Variants in HOXA10 observed in about 807,000 individuals in gnomAD.
The protein encoded by HOXA10 is homeobox A10.
In HOXA10, 12 loss-of-function variants were observed where a neutral mutation model predicts 29.7. The observed-to-expected ratio is 0.40, with a 90% CI of 0.26 to 0.65. The LOEUF is 0.65. Ranked by LOEUF, HOXA10 falls within the 30% of genes least tolerant of loss-of-function variation. The pLI is 0.37. For missense variants in HOXA10, 656 were observed against 585.9 expected (o/e 1.12, Z -1.24); for synonymous variants, 327 against 280.7 (o/e 1.16, Z -1.65).
chr7:27,174,196 C>T lies in HOXA10; in HGVS notation c.111G>A (p.Ser37=), dbSNP rs1196665541. ...CACCGCCGCCTGCCTCGCCTCTGCC[C>T]GAGCTGATGAGCGAGTCGACCAAAA... ...NSFLVDSLIS[S]GRGEAGGGGG... is the part of the protein sequence containing the mutation. The change falls in exon 1 of 2, where the codon TCG becomes TCA. Residue 37 remains serine, a synonymous_variant. Transcript: ENST00000283921. 6.2e-7 allele frequency: 1 copy of T among 1,600,572 alleles called. No homozygotes were observed. Among genetic ancestry groups the T allele is most frequent in the East Asian group, 2.2e-5 (1 of 44,846 alleles).
Position 27,172,343 on chromosome 7 carries a change from T to C in HOXA10, c.959-170A>G, listed in dbSNP as rs1783519793. On this transcript the variant is annotated intron_variant, in intron 1 of 1. Transcript: ENST00000283921. ...GAGCAAGCAGTTCCTCCAAAAGTCA[T>C]GACAAAAATTGAGTGGGCCTTCAAT... is the stretch of plus-strand genomic sequence containing the variant. The C allele has an allele frequency of 6.2e-6, 4 of 649,592 alleles. No individual in the cohort carries two copies. The East Asian group carries it at 1.1e-4, about 18-fold the overall frequency. 40.2% of individuals were successfully genotyped at this position (649,592 alleles called of 1,614,324 possible). A position where few individuals can be genotyped will look rare whatever the true frequency, so the allele number is the denominator to read the frequency against.
Position 27,171,930 on chromosome 7 carries a change from C to T in HOXA10, c.1202G>A (p.Arg401Gln), listed in dbSNP as rs749820992. 1.2e-6 allele frequency: 2 copies of T among 1,614,130 alleles called. No homozygotes were observed. Among genetic ancestry groups the T allele is most frequent in the East Asian group, 2.2e-5 (1 of 44,872 alleles). Residue 401 changes from arginine to glutamine, a missense_variant, in exon 2 of 2, where the codon CGG (arginine) becomes CAG (glutamine). Arg to Gln is a conservative substitution (Grantham distance 43). Transcript: ENST00000283921. The part of the protein sequence containing the change: ...LKKMNRENRI[R>Q]ELTANFNFS ...AAAATTAAAGTTGGCTGTGAGCTCCCGGATCCGGTTTTCTCGATTCATTTT... is the reference window on the plus strand; with the variant it reads ...AAAATTAAAGTTGGCTGTGAGCTCCTGGATCCGGTTTTCTCGATTCATTTT...
intron 1 of HOXA10, chr7:27,172,534 G>GGAAACCTGTAGGA (rs1318364306): frequency 3.6e-5 from 12 of 330,850 alleles, no homozygotes; most frequent in South Asian, 3.3e-4. Flanking sequence ...ATTTCCTGTA[G>GGAAACCTGTAGGA]CCCCCAGGCT....
Position 27,173,609 on chromosome 7 carries a change from GCGCCGC to G in HOXA10, c.692_697del (p.Gly231_Gly232del). On this transcript the variant is annotated inframe_deletion, in exon 1 of 2. Coordinates refer to ENST00000283921, the MANE Select transcript of HOXA10 (RefSeq NM_018951.4). ...GAACGGGCCAGCCCCGAGTTGCTGC[GCGCCGC>G]CGCCGCCGCTGCCATAGCCCTTGGC... 2.0e-6 allele frequency: 3 copies of G among 1,531,586 alleles called. No individual in the cohort carries two copies. The highest frequency in any genetic ancestry group is 1.2e-5 in the South Asian group (1 of 82,300). The allele number at this position is 1,531,586 out of a possible 1,614,324, so 94.9% of individuals were successfully genotyped here. A position where few individuals can be genotyped will look rare whatever the true frequency, so the allele number is the denominator to read the frequency against.
upstream of HOXA10, among the ~76,000 whole-genome samples, chr7:27,178,750 C>T (rs186971043): frequency 6.6e-5 from 10 of 152,082 alleles, no homozygotes; most frequent in Non-Finnish European, 1.3e-4. Flanking sequence ...CCACTCACCA[C>T]GCACTGTATA....
Position 27,173,729 on chromosome 7 carries a change from C to T in HOXA10, c.578G>A (p.Arg193Gln). The change falls in exon 1 of 2, where the codon CGG becomes CAG. Residue 193 changes from arginine (R) to glutamine (Q), a missense_variant. Coordinates refer to ENST00000283921, the MANE Select transcript of HOXA10 (RefSeq NM_018951.4). ...ATAAELAPFP[R>Q]GPPPDGCALG... Reference sequence around the variant, plus strand: ...GGCGCAGCCGTCGGGCGGCGGGCCCCGCGGGAAGGGAGCCAGTTCGGCGGC... The same window carrying T: ...GGCGCAGCCGTCGGGCGGCGGGCCCTGCGGGAAGGGAGCCAGTTCGGCGGC... The T allele has an allele frequency of 1.3e-6, 2 of 1,590,190 alleles. No individual in the cohort carries two copies. The highest frequency in any genetic ancestry group is 2.3e-5 in the East Asian group (1 of 43,290).
chr7:27,174,566 G>A, upstream of HOXA10: 4 of 580,172 alleles, frequency 6.9e-6, no homozygotes, highest in Non-Finnish European at 8.8e-6. Context: ...CTGGTGGGGG[G>A]CCTGGCCATT....
At position 27,174,187 on chromosome 7, in the gene HOXA10, G is replaced by A. The variant is rs747233773; in HGVS notation, c.120C>T (p.Gly40=). ...LVDSLISSGR[G]EAGGGGGGAG... ...CGCCACCACCACCGCCGCCTGCCTCGCCTCTGCCCGAGCTGATGAGCGAGT... is the reference window on the plus strand; with the variant it reads ...CGCCACCACCACCGCCGCCTGCCTCACCTCTGCCCGAGCTGATGAGCGAGT... Residue 40 remains glycine (G), a synonymous_variant, in exon 1 of 2, where the codon GGC becomes GGT. Coordinates refer to ENST00000283921, the MANE Select transcript of HOXA10 (RefSeq NM_018951.4). The A allele has an allele frequency of 2.5e-6, 4 of 1,599,750 alleles. No homozygotes were observed. Among genetic ancestry groups the A allele is most frequent in the Non-Finnish European group, 3.4e-6 (4 of 1,179,600 alleles).
At position 27,173,481 on chromosome 7, in the gene HOXA10, G is replaced by C. The variant is rs1394179859; in HGVS notation, c.826C>G (p.Pro276Ala). Residue 276 changes from proline (P) to alanine (A), a missense_variant, in exon 1 of 2, where the codon CCC (proline) becomes GCC (alanine). Physicochemically the swap from Pro to Ala is conservative, Grantham distance 27 (BLOSUM62 -1). This residue lies in a region of HOXA10 where 594 missense variants were observed against 491.9 expected (regional missense o/e 1.21). Coordinates refer to ENST00000283921, the MANE Select transcript of HOXA10 (RefSeq NM_018951.4). The stretch of plus-strand genomic sequence containing the variant: ...CCGCCGCTGCCGCAAGCCAGCGTGG[G>C]GGGCGGCGGCGAATCGAGGGCTCGC... ...KERALDSPPP[P>A]TLACGSGGGS... The C allele has an allele frequency of 1.3e-6, 2 of 1,557,450 alleles. No individual in the cohort carries two copies. Among genetic ancestry groups the C allele is most frequent in the Non-Finnish European group, 8.6e-7 (1 of 1,156,348 alleles).
chr7:27,173,555 T>C lies in HOXA10; in HGVS notation c.752A>G (p.Asp251Gly). Residue 251 changes from aspartate (D) to glycine (G), a missense_variant, in exon 1 of 2, where the codon GAT (aspartate) becomes GGT (glycine). By Grantham distance (94) the Asp-to-Gly change is moderately conservative. This residue lies in a region of HOXA10 where 594 missense variants were observed against 491.9 expected (regional missense o/e 1.21). Coordinates refer to ENST00000283921, the MANE Select transcript of HOXA10 (RefSeq NM_018951.4). ...FPAQPPGRGF[D>G]LPPALASGSA... is the part of the protein sequence containing the mutation. ...GCCGGAGGCTAGCGCGGGCGGGAGA[T>C]CGAAACCGCGCCCCGGGGGCTGCGC... The C allele has an allele frequency of 6.9e-7, 1 of 1,456,790 alleles. No individual in the cohort carries two copies. Among genetic ancestry groups the C allele is most frequent in the Non-Finnish European group, 9.0e-7 (1 of 1,113,110 alleles). 90.2% of individuals were successfully genotyped at this position (1,456,790 alleles called of 1,614,324 possible).
In HOXA10 at chr7:27,174,192, T is replaced by G. The variant is rs770651896; in HGVS notation, c.115A>C (p.Arg39=). Residue 39 remains arginine (R), a synonymous_variant, in exon 1 of 2, where the codon AGA becomes CGA. Coordinates refer to ENST00000283921, the MANE Select transcript of HOXA10 (RefSeq NM_018951.4). ...FLVDSLISSG[R]GEAGGGGGGA... is the part of the protein sequence containing the mutation. The stretch of plus-strand genomic sequence containing the variant: ...CCACCACCGCCGCCTGCCTCGCCTC[T>G]GCCCGAGCTGATGAGCGAGTCGACC... The G allele has an allele frequency of 6.2e-7, 1 of 1,600,174 alleles. No homozygotes were observed. Among genetic ancestry groups the G allele is most frequent in the Non-Finnish European group, 8.5e-7 (1 of 1,179,758 alleles).
rs774090455 is a variant in HOXA10, at chr7:27,174,223, A to G, written c.84T>C (p.Ser28=). Reference sequence around the variant, plus strand: ...AGCTGATGAGCGAGTCGACCAAAAAAGAGTTCGCGGCGGGGCTCTCCGAGC... The same window carrying G: ...AGCTGATGAGCGAGTCGACCAAAAAGGAGTTCGCGGCGGGGCTCTCCGAGC... ...MSCSESPAAN[S]FLVDSLISSG... Residue 28 remains serine, a synonymous_variant, in exon 1 of 2, where the codon TCT becomes TCC. Transcript: ENST00000283921. 2 of 1,601,426 alleles carry G rather than the reference A, an allele frequency of 1.2e-6. No homozygotes were observed. Among genetic ancestry groups the G allele is most frequent in the South Asian group, 2.2e-5 (2 of 91,076 alleles).
chr7:27,174,668 T>TTA, upstream of HOXA10: 1 of 310,970 alleles, frequency 3.2e-6, no homozygotes, highest in South Asian at 3.4e-5. Context: ...GTGGGGTGTT[T>TTA]ATGGTGCGCG....
At chr7:27,176,398 C>T (rs895758825), upstream of HOXA10, among the ~76,000 whole-genome samples, 1 of 152,244 alleles carries the variant, frequency 6.6e-6, no homozygotes, top group African/African-American at 2.4e-5. Context: ...TGCAGAAAAG[C>T]TTCAGAGCAC....
intron 1 of HOXA10, 112 bp downstream of exon 1, chr7:27,173,237 G>C: frequency 6.6e-7 from 1 of 1,526,408 alleles, no homozygotes; most frequent in Non-Finnish European, 8.9e-7. Context: ...CCTGCCTGCA[G>C]CTTGGGCCAA....
chr7:27,171,520 T>G lies in HOXA10; in HGVS notation c.*379A>C, dbSNP rs765373188. The stretch of plus-strand genomic sequence containing the variant: ...CAGCGCCAACAATGGGACCTCGGCC[T>G]TCCGGCTAGGTTTGCCCCAGGCTGG... On this transcript the variant is annotated 3_prime_UTR_variant, in exon 2 of 2. Transcript: ENST00000283921. 97 of 469,040 alleles carry G rather than the reference T, an allele frequency of 2.1e-4. No individual in the cohort carries two copies. The highest frequency in any genetic ancestry group is 3.8e-5 in the Non-Finnish European group (9 of 236,992). The allele number at this position is 469,040 out of a possible 1,614,324, so 29.1% of individuals were successfully genotyped here.
chr7:27,172,362 C>T (rs1783520431), intron 1 of HOXA10, 189 bp from the exon 2 acceptor site: 1 of 626,970 alleles, frequency 1.6e-6, no homozygotes, highest in African/African-American at 1.8e-5. Context: ...TTGAGTGGGC[C>T]TTCAATCTAC....
chr7:27,172,589 C>T, intron 1 of HOXA10: 1 of 260,180 alleles, frequency 3.8e-6, no homozygotes, highest in Non-Finnish European at 7.5e-6. Context: ...GGCAGCTTGG[C>T]TGTCTCACCC....
At position 27,173,872 on chromosome 7, in the gene HOXA10, CGGCGGGGGCGGCGGCTGCTGCTGG is replaced by C; in HGVS notation, c.411_434del (p.Gln139_Gln146del). On this transcript the variant is annotated inframe_deletion, in exon 1 of 2. Transcript: ENST00000283921. ...CCTGCGGCGCTGGCTGGGGTGGTTG[CGGCGGGGGCGGCGGCTGCTGCTGG>C]GGCGGCGGCGGCGGCCCGTCAGGCG... is the stretch of plus-strand genomic sequence containing the variant. The C allele has an allele frequency of 1.3e-6, 2 of 1,581,994 alleles. No homozygotes were observed. Among genetic ancestry groups the C allele is most frequent in the Non-Finnish European group, 1.7e-6 (2 of 1,165,762 alleles).
Sources: gnomAD v4.1 joint callset for allele counts (sites outside exome capture counted in the v4.1 genomes callset) on GRCh38, gnomAD v4.1.1 for gene constraint, gnomAD v4.1.1 regional missense constraint, MANE v1.5 for transcripts, NCBI Gene and HGNC (gene_info 2026-07-23, HGNC 2026-07-21) for gene names.